AXIN1: variants seen among roughly 807,000 people sequenced by gnomAD.
The protein encoded by AXIN1 is axin 1, also known as axin-1.
AXIN1 carries 30 observed loss-of-function variants against 76.4 expected under a neutral mutation model. The observed-to-expected ratio is 0.39, with a 90% CI of 0.29 to 0.53. The LOEUF is 0.53. AXIN1 is among the 20% of genes least tolerant of loss of function. The probability of loss-of-function intolerance (pLI) is 0.66; values close to 1 mark genes in which losing one functional copy is unlikely to be tolerated. For missense variants in AXIN1, 1,140 were observed against 1,198.8 expected (o/e 0.95, Z 0.72); for synonymous variants, 545 against 501.4 (o/e 1.09, Z -1.16).
At chr16:339,383 C>T (rs1226356667) in intron 2 of AXIN1, among the ~76,000 whole-genome samples, 9 of 148,138 alleles carry the variant, frequency 6.1e-5, no homozygotes, top group Admixed American at 4.0e-4. Context: ...TGGTGACACG[C>T]GCCTGTAGTC....
chr16:346,233 C>CG lies in AXIN1; in HGVS notation c.792dup (p.Gly265ArgfsTer20), dbSNP rs769619638. ...AGGAGCAGCTTCTGAGGGAGTCTTC[C>CG]GGGGGGAGCAGCGTCTCTGCCATCG... On this transcript the variant is annotated frameshift_variant, in exon 2 of 11. Coordinates refer to ENST00000262320, the MANE Select transcript of AXIN1 (RefSeq NM_003502.4). LOFTEE classifies it high-confidence loss of function. 1.9e-6 allele frequency: 3 copies of CG among 1,613,922 alleles called. No individual in the cohort carries two copies. The highest frequency in any genetic ancestry group is 1.7e-6 in the Non-Finnish European group (2 of 1,180,024).
chr16:347,144 T>G, intron 1 of AXIN1, 38 bp from the exon 2 acceptor site: 1 of 1,576,380 alleles, frequency 6.3e-7, no homozygotes, highest in Non-Finnish European at 8.6e-7. Flanking sequence ...TTAGGAAAGG[T>G]GGGTCCATGA....
intron 1 of AXIN1, among the ~76,000 whole-genome samples, chr16:349,530 TCAGA>T (rs1385364552): frequency 6.6e-6 from 1 of 152,180 alleles, no homozygotes; most frequent in Non-Finnish European, 1.5e-5. Context: ...AAGTGATTAA[TCAGA>T]CAGTGCTCAG....
intron 1 of AXIN1, among the ~76,000 whole-genome samples, chr16:350,999 C>A (rs568333169): frequency 6.6e-6 from 1 of 152,132 alleles, no homozygotes; most frequent in Non-Finnish European, 1.5e-5. Flanking sequence ...GGCTTGGTGG[C>A]GCATGCCTAT....
At chr16:320,743 A>ATTTTTTTTTTTTTTTTT (rs71299927) in intron 2 of AXIN1, among the ~76,000 whole-genome samples, 2 of 107,664 alleles carry the variant, frequency 1.9e-5, no homozygotes, top group Non-Finnish European at 1.7e-5. Context: ...ATATATATAT[A>ATTTTTTTTTTTTTTTTT]TTTTTTTTTT....
intron 2 of AXIN1, among the ~76,000 whole-genome samples, chr16:320,721 G>GTATATA (rs1363646713): frequency 1.7e-5 from 2 of 120,170 alleles, no homozygotes; most frequent in Admixed American, 8.4e-5. Context: ...ATGCGTGTGT[G>GTATATA]TGTATATATA....
At chr16:345,532 T>C (rs561915049) in intron 2 of AXIN1, among the ~76,000 whole-genome samples, 20 of 152,254 alleles carry the variant, frequency 1.3e-4, no homozygotes, top group Non-Finnish European at 2.4e-4. Flanking sequence ...CTGGCCAACA[T>C]GGAGAAACCC....
rs2141593234 is a variant in AXIN1, at chr16:314,603, T to C, written c.959A>G (p.Asp320Gly). The change falls in exon 3 of 11, where the codon GAC (aspartate) becomes GGC (glycine). Residue 320 changes from aspartate to glycine, a missense_variant. This residue lies in a region of AXIN1 where 708 missense variants were observed against 776.9 expected (regional missense o/e 0.91). Coordinates refer to ENST00000262320, the MANE Select transcript of AXIN1 (RefSeq NM_003502.4). The stretch of plus-strand genomic sequence containing the variant: ...GCTGGACAGGCTCTGCTGCTCGCTG[T>C]CGTTGGCACTGGTGGCTGGGGCCAG... ...YALAPATSAN[D>G]SEQQSLSSDA... The C allele has an allele frequency of 6.2e-7, 1 of 1,614,016 alleles. No individual in the cohort carries two copies. The highest frequency in any genetic ancestry group is 8.5e-7 in the Non-Finnish European group (1 of 1,179,992).
chr16:312,971 G>A (rs890434055), intron 3 of AXIN1, among the ~76,000 whole-genome samples: 10 of 152,164 alleles, frequency 6.6e-5, no homozygotes, highest in African/African-American at 1.4e-4. Flanking sequence ...TGCAGTTTGC[G>A]CCCAGGAGTT....
chr16:321,272 C>T (rs919053366), intron 2 of AXIN1, among the ~76,000 whole-genome samples: 8 of 150,854 alleles, frequency 5.3e-5, no homozygotes, highest in Non-Finnish European at 1.2e-4. Flanking sequence ...CATTTCCATA[C>T]CCAGGCAGGA....
chr16:304,830 C>T (rs765805145), intron 4 of AXIN1, among the ~76,000 whole-genome samples: 6 of 152,296 alleles, frequency 3.9e-5, no homozygotes, highest in Middle Eastern at 3.4e-3. Flanking sequence ...CCACCGGGCC[C>T]GGCCTTTGTT....
chr16:297,771 A>G lies in AXIN1; in HGVS notation c.1735T>C (p.Ser579Pro), dbSNP rs2052754946. 2.5e-6 allele frequency: 4 copies of G among 1,584,742 alleles called. No homozygotes were observed. The highest frequency in any genetic ancestry group is 2.7e-5 in the African/African-American group (2 of 74,344). The change falls in exon 6 of 11, where the codon TCA (serine) becomes CCA (proline). Residue 579 changes from serine (S) to proline (P), a missense_variant. Ser to Pro is a moderately conservative substitution (Grantham distance 74). This residue lies in a region of AXIN1 where 429 missense variants were observed against 405.8 expected (regional missense o/e 1.06). Transcript: ENST00000262320. ...TTGGGGGCAGCGCCAACACTCTCTG[A>G]GTAGCCTCGGGACCTTGCCCCATGG... Reference protein sequence around the residue: ...HSHGARSRGYSESVGAAPNAS... With the variant: ...HSHGARSRGYPESVGAAPNAS...
rs2053133737 is a variant in AXIN1 at position 310,048 on chromosome 16, C to G, written c.1041G>C (p.Arg347Ser). 6.2e-7 allele frequency: 1 copy of G among 1,612,498 alleles called. No individual in the cohort carries two copies. Among genetic ancestry groups the G allele is most frequent in the Non-Finnish European group, 8.5e-7 (1 of 1,179,608 alleles). Residue 347 changes from arginine to serine, a missense_variant, in exon 4 of 11, where the codon AGG becomes AGC. Arg to Ser is a moderately radical substitution (Grantham distance 110). This residue lies in a region of AXIN1 where 708 missense variants were observed against 776.9 expected (regional missense o/e 0.91). Coordinates refer to ENST00000262320, the MANE Select transcript of AXIN1 (RefSeq NM_003502.4). ...TCTCCCTGCGGTGCTGCTTACGGAT[C>G]CTGTATGGGGGGATCCCATCCCTGT... Reference protein sequence around the residue: ...DSSVDGIPPYRIRKQHRREMQ... With the variant: ...DSSVDGIPPYSIRKQHRREMQ...
intron 2 of AXIN1, among the ~76,000 whole-genome samples, chr16:341,097 C>A (rs183109028): frequency 6.6e-6 from 1 of 152,392 alleles, no homozygotes; most frequent in East Asian, 1.9e-4. Flanking sequence ...GAGGTGACAG[C>A]GTGCTGGCAG....
intron 9 of AXIN1, 143 bp from the exon 10 acceptor site, chr16:289,750 G>GC (rs1555472374): frequency 4.0e-6 from 4 of 997,750 alleles, no homozygotes; most frequent in Non-Finnish European, 6.0e-6. Flanking sequence ...GGGGCCCGCA[G>GC]CCCCCGCACA....
At chr16:291,385 G>T (rs9935878) in intron 8 of AXIN1, 88 bp from the exon 9 acceptor site, 1 of 1,176,142 alleles carries the variant, frequency 8.5e-7, no homozygotes, top group Non-Finnish European at 1.2e-6. Flanking sequence ...GCGCAGGGAC[G>T]GACGGAGCGT....
chr16:322,274 G>A (rs2053476053), intron 2 of AXIN1, among the ~76,000 whole-genome samples: 1 of 152,196 alleles, frequency 6.6e-6, no homozygotes, highest in African/African-American at 2.4e-5. Flanking sequence ...TGGGGAACAT[G>A]GCGCACACCC....
At position 293,700 on chromosome 16, in the gene AXIN1, C is replaced by T. The variant is rs754547676; in HGVS notation, c.1974G>A (p.Lys658=). ...RTGHGSSGTR[K]PQPHENSRPL... ...GTCTGGAGTTCTCATGGGGCTGTGG[C>T]TTCCTCGTCCCCGAAGACCTTGGGG... is the stretch of plus-strand genomic sequence containing the variant. The change falls in exon 8 of 11, where the codon AAG becomes AAA. Residue 658 remains lysine, a synonymous_variant. Transcript: ENST00000262320. The surrounding 1 kb of genome is among the most constrained non-coding windows in gnomAD (Gnocchi z 4.6). 3 of 1,613,622 alleles carry T rather than the reference C, an allele frequency of 1.9e-6. No individual in the cohort carries two copies. The highest frequency in any genetic ancestry group is 1.7e-5 in the Admixed American group (1 of 60,010).
At chr16:324,433 G>A (rs3900804) in intron 2 of AXIN1, among the ~76,000 whole-genome samples, 41,783 of 152,086 alleles carry the variant, frequency 0.27, 6,017 homozygotes, top group South Asian at 0.4. Flanking sequence ...TCACAGGCCC[G>A]CGGTCCTCCG....
Sources: gnomAD v4.1 joint callset for allele counts (sites outside exome capture counted in the v4.1 genomes callset) on GRCh38, gnomAD v4.1.1 for gene constraint, gnomAD v4.1.1 regional missense constraint, Gnocchi (gnomAD v3.1) non-coding constraint, MANE v1.5 for transcripts, NCBI Gene and HGNC (gene_info 2026-07-23, HGNC 2026-07-21) for gene names.